NPIPA5: variants seen among roughly 807,000 people sequenced by gnomAD.
The protein encoded by NPIPA5 is nuclear pore complex-interacting protein family member A5.
Under a neutral mutation model 21.4 loss-of-function variants are expected in NPIPA5, and 6 were observed. That is an observed-to-expected ratio of 0.28 (90% CI 0.15 to 0.55). NPIPA5 has a LOEUF of 0.55. Ranked by LOEUF, NPIPA5 falls within the 20% of genes least tolerant of loss-of-function variation. The pLI is 0.93. For missense variants in NPIPA5, 99 were observed against 318.2 expected, an observed-to-expected ratio of 0.31 and a Z score of 5.24; for synonymous variants, 33 against 115.3, an observed-to-expected ratio of 0.29 and a Z score of 4.57.
At chr16:15,380,385 T>G (rs1292277892), upstream of NPIPA5, among the ~76,000 whole-genome samples, 5 of 151,654 alleles carry the variant, frequency 3.3e-5, no homozygotes, top group Admixed American at 2.6e-4. Flanking sequence ...TGCAATGGCG[T>G]GATCTCGGCC....
upstream of NPIPA5, among the ~76,000 whole-genome samples, chr16:15,378,954 G>A (rs543613088): frequency 3.6e-5 from 5 of 140,348 alleles, no homozygotes; most frequent in East Asian, 1.1e-3. Flanking sequence ...AGAGGGCTTG[G>A]CAGCATCATG....
chr16:15,379,969 A>G (rs1004704976), upstream of NPIPA5, among the ~76,000 whole-genome samples: 26 of 149,172 alleles, frequency 1.7e-4, no homozygotes, highest in East Asian at 7.9e-4. Flanking sequence ...ATATATATAT[A>G]TGTGTGTGTG....
intron 1 of NPIPA5, among the ~76,000 whole-genome samples, chr16:15,377,711 T>TGGG (rs1567418036): frequency 1.9e-5 from 1 of 52,628 alleles, no homozygotes; most frequent in Non-Finnish European, 4.1e-5. Context: ...AGGGGGCTGT[T>TGGG]GGGGAGGAGG....
Position 15,377,605 on chromosome 16 carries a change from A to G in NPIPA5, c.63+627T>C, listed in dbSNP as rs556429866. ...GCAGGGCGGAGGGAAGGGGACGGGG[A>G]CCGGGGCCGGATCTGAGTTGGGGAG... On this transcript the variant is annotated intron_variant, in intron 1 of 7. Coordinates refer to ENST00000360151, the MANE Select transcript of NPIPA5 (RefSeq NM_001277325.2). Among the ~76,000 whole-genome samples, 59 of 123,124 alleles carry G rather than the reference A, an allele frequency of 4.8e-4. 1 individual carries two copies. In the South Asian group the frequency reaches 0.011, roughly 22 times the overall value. The allele number at this position is 123,124 out of a possible 152,430, so 80.8% of individuals were successfully genotyped here.
In NPIPA5 at chr16:15,366,833, A is replaced by T; in HGVS notation, c.438-73T>A. ...ATTCCCTCTGCCCTTCTGGCATCTG[A>T]AGGCTGTGATTCAAAGATCCCCCCT... On this transcript the variant is annotated intron_variant, in intron 4 of 7. Coordinates refer to ENST00000360151, the MANE Select transcript of NPIPA5 (RefSeq NM_001277325.2). 25 of 1,517,408 alleles carry T rather than the reference A, an allele frequency of 1.6e-5. 1 individual carries two copies. The South Asian group carries it at 3.1e-4, about 19-fold the overall frequency. The allele number at this position is 1,517,408 out of a possible 1,614,324, so 94.0% of individuals were successfully genotyped here. A position where few individuals can be genotyped will look rare whatever the true frequency, so the allele number is the denominator to read the frequency against.
upstream of NPIPA5, among the ~76,000 whole-genome samples, chr16:15,380,268 T>C (rs947518065): frequency 1.1e-4 from 17 of 151,990 alleles, no homozygotes; most frequent in African/African-American, 4.1e-4. Flanking sequence ...TTATGAGTCA[T>C]GTTAAAAAGT....
chr16:15,375,765 C>T (rs1472674510), intron 1 of NPIPA5, among the ~76,000 whole-genome samples: 3 of 148,202 alleles, frequency 2.0e-5, no homozygotes, highest in Non-Finnish European at 4.5e-5. Flanking sequence ...AAAAAATTAC[C>T]AAGGTGGAGA....
chr16:15,375,384 A>AG (rs1425348828), intron 1 of NPIPA5, among the ~76,000 whole-genome samples: 1 of 121,814 alleles, frequency 8.2e-6, no homozygotes, highest in Non-Finnish European at 1.7e-5. Context: ...AGCATAAGTA[A>AG]AAAAAAAAAA....
upstream of NPIPA5, chr16:15,381,551 G>A (rs568558771): frequency 3.4e-5 from 9 of 265,384 alleles, no homozygotes; most frequent in East Asian, 5.3e-4. Context: ...AACACTTGTC[G>A]AATCAATGCA....
At chr16:15,369,007 T>C (rs1223790535) in intron 4 of NPIPA5, among the ~76,000 whole-genome samples, 2 of 104,534 alleles carry the variant, frequency 1.9e-5, no homozygotes, top group African/African-American at 7.2e-5. Context: ...AAAAAAAAAT[T>C]GGCCGAATGT....
intron 1 of NPIPA5, among the ~76,000 whole-genome samples, chr16:15,375,221 A>G (rs1043661577): frequency 1.3e-5 from 2 of 151,388 alleles, no homozygotes; most frequent in African/African-American, 2.4e-5. Context: ...GAGCCACTGC[A>G]CCTGGCCAGT....
rs375204478 is a variant in NPIPA5 at position 15,372,762 on chromosome 16, G to C, written c.192+953C>G. ...TGTTCAGAAGGAGGTTCAGCCCCCA[G>C]ACAACCACATTTTTACTGTCATGAA... On this transcript the variant is annotated intron_variant, in intron 2 of 7. Transcript: ENST00000360151. Among the ~76,000 whole-genome samples, 298 of 144,658 alleles carry C rather than the reference G, an allele frequency of 2.1e-3. 3 individuals are homozygous for C. The highest frequency in any genetic ancestry group is 3.5e-3 in the Middle Eastern group (1 of 286). The allele number at this position is 144,658 out of a possible 152,430, so 94.9% of individuals were successfully genotyped here. A position where few individuals can be genotyped will look rare whatever the true frequency, so the allele number is the denominator to read the frequency against.
At chr16:15,379,489 C>A (rs1271293764), upstream of NPIPA5, among the ~76,000 whole-genome samples, 1 of 151,880 alleles carries the variant, frequency 6.6e-6, no homozygotes, top group Non-Finnish European at 1.5e-5. Context: ...ATAGTTTGAA[C>A]CCGGGAGGCA....
In NPIPA5 at chr16:15,371,915, A is replaced by G. The variant is rs893396820; in HGVS notation, c.193-1796T>C. Reference sequence around the variant, plus strand: ...TCAAGAGAAGCAATGGGTAATCTAAAAAGATGAAAAGAGCAACCACGTCTA... The same window carrying G: ...TCAAGAGAAGCAATGGGTAATCTAAGAAGATGAAAAGAGCAACCACGTCTA... On this transcript the variant is annotated intron_variant, in intron 2 of 7. Coordinates refer to ENST00000360151, the MANE Select transcript of NPIPA5 (RefSeq NM_001277325.2). 3.6e-4 allele frequency among the ~76,000 whole-genome samples: 52 copies of G among 145,242 alleles called. 4 individuals are homozygous for G. The highest frequency in any genetic ancestry group is 1.3e-3 in the African/African-American group (51 of 40,438).
chr16:15,369,660 TTTGA>T, intron 4 of NPIPA5, 48 bp downstream of exon 4: 1 of 576,202 alleles, frequency 1.7e-6, no homozygotes, highest in South Asian at 2.1e-5. Context: ...AGTTGTCTAC[TTTGA>T]TTGGCACATG....
At chr16:15,365,967 G>T (rs62037823) in intron 5 of NPIPA5, among the ~76,000 whole-genome samples, 3 of 58,698 alleles carry the variant, frequency 5.1e-5, no homozygotes, top group African/African-American at 1.4e-4. Flanking sequence ...TACTCGGGAG[G>T]CTGAGGCAGG....
chr16:15,372,313 C>T (rs251629), intron 2 of NPIPA5, among the ~76,000 whole-genome samples: 16,634 of 146,304 alleles, frequency 0.11, 1,703 homozygotes, highest in East Asian at 0.45. Flanking sequence ...GGTAAAACCC[C>T]GACTCTACTA....
At chr16:15,370,345 G>A (rs1270965629) in intron 2 of NPIPA5, among the ~76,000 whole-genome samples, 3 of 142,804 alleles carry the variant, frequency 2.1e-5, no homozygotes, top group Non-Finnish European at 1.5e-5. Context: ...AGAACCGTTT[G>A]AAGCTGGGAG....
chr16:15,374,506 T>C (rs2050239089), intron 1 of NPIPA5, among the ~76,000 whole-genome samples: 1 of 148,390 alleles, frequency 6.7e-6, no homozygotes, highest in Non-Finnish European at 1.5e-5. Context: ...ATTTTTTTTG[T>C]TTTTGTTTGT....
Sources: allele counts gnomAD v4.1 joint callset (sites outside exome capture counted in the v4.1 genomes callset), GRCh38; gene constraint gnomAD v4.1.1; transcripts MANE v1.5; gene names NCBI Gene and HGNC (gene_info 2026-07-23, HGNC 2026-07-21).